The following TMCC1 variants were observed in gnomAD, a reference collection of about 807,000 sequenced individuals.
TMCC1 encodes transmembrane and coiled-coil domain family 1, also known as transmembrane and coiled-coil domains protein 1.
A neutral mutation model predicts 52.4 loss-of-function variants in TMCC1; 15 were observed. The ratio of observed to expected loss-of-function variants is 0.29; its 90% CI spans 0.19 to 0.44. TMCC1 has a LOEUF of 0.44. Ranked by LOEUF, TMCC1 falls within the 20% of genes least tolerant of loss-of-function variation. TMCC1 has a pLI of 1.00. For missense variants in TMCC1, 503 were observed against 806.0 expected (o/e 0.62, Z 4.55); for synonymous variants, 279 against 301.9 (o/e 0.92, Z 0.79).
At chr3:129,852,312 T>G (rs932960097) in intron 2 of TMCC1, among the ~76,000 whole-genome samples, 2 of 151,574 alleles carry the variant, frequency 1.3e-5, no homozygotes, top group Non-Finnish European at 2.9e-5. Flanking sequence ...CAAAAATTAG[T>G]TGGATGTGGT....
chr3:129,825,223 A>G lies in TMCC1; in HGVS notation c.576+2580T>C, dbSNP rs562189601. Among the ~76,000 whole-genome samples, 5 of 152,378 alleles carry G rather than the reference A, an allele frequency of 3.3e-5. No homozygotes were observed. In the South Asian group the frequency reaches 6.2e-4, roughly 19 times the overall value. On this transcript the variant is annotated intron_variant, in intron 4 of 6. Coordinates refer to ENST00000393238, the MANE Select transcript of TMCC1 (RefSeq NM_001017395.5). ...CACCTGCATTACTAGTTTTGCTTAC[A>G]GTTCAACTAATTCAAACTTAGAAAT...
intron 5 of TMCC1, among the ~76,000 whole-genome samples, chr3:129,669,544 C>T (rs2087749726): frequency 1.3e-5 from 2 of 152,030 alleles, no homozygotes; most frequent in South Asian, 4.1e-4. Flanking sequence ...AAGCGACTCT[C>T]CTGCCTCAGC....
intron 5 of TMCC1, among the ~76,000 whole-genome samples, chr3:129,666,247 C>A (rs572846617): frequency 3.7e-4 from 57 of 152,172 alleles, no homozygotes; most frequent in Middle Eastern, 6.8e-3. Flanking sequence ...ATAAAAAAAG[C>A]AGACAAACTG....
At chr3:129,788,580 A>T (rs1031509797) in intron 4 of TMCC1, among the ~76,000 whole-genome samples, 8 of 151,834 alleles carry the variant, frequency 5.3e-5, no homozygotes, top group African/African-American at 1.9e-4. Context: ...CTCCTGCCTC[A>T]GCCTCCCCAG....
intron 4 of TMCC1, among the ~76,000 whole-genome samples, chr3:129,811,467 CTG>C (rs376444232): frequency 1.3e-5 from 2 of 151,944 alleles, no homozygotes; most frequent in East Asian, 3.9e-4. Flanking sequence ...AGGGGTCTCA[CTG>C]TGTTGCCCAG....
intron 4 of TMCC1, among the ~76,000 whole-genome samples, chr3:129,700,234 T>C (rs1219244326): frequency 2.0e-5 from 3 of 151,358 alleles, no homozygotes; most frequent in Non-Finnish European, 4.4e-5. Context: ...AAAAAGAAAA[T>C]TAAAAAAAAA....
chr3:129,661,943 T>G lies in TMCC1; in HGVS notation c.1512-6840A>C, dbSNP rs543146512. On this transcript the variant is annotated intron_variant, in intron 5 of 6. Transcript: ENST00000393238. ...CTTCTTAGCACACTTTATTTTCTAG[T>G]GTTTACTTCCTGTCTAAATTCTAAA... Among the ~76,000 whole-genome samples the G allele has an allele frequency of 1.5e-3, 223 of 152,352 alleles. 1 individual carries two copies. Among genetic ancestry groups the G allele is most frequent in the African/African-American group, 5.2e-3 (218 of 41,578 alleles).
intron 3 of TMCC1, among the ~76,000 whole-genome samples, chr3:129,831,700 T>A (rs1306318870): frequency 1.3e-5 from 2 of 152,156 alleles, no homozygotes; most frequent in Admixed American, 6.6e-5. Context: ...GTTGCAATAA[T>A]TAACTCTATA....
chr3:129,752,256 T>A (rs1197651122), intron 4 of TMCC1, among the ~76,000 whole-genome samples: 1 of 152,196 alleles, frequency 6.6e-6, no homozygotes, highest in Non-Finnish European at 1.5e-5. Flanking sequence ...CCTTTATGGA[T>A]CTGGGTTAAA....
chr3:129,780,156 TTAC>T (rs1246222234), intron 4 of TMCC1, among the ~76,000 whole-genome samples: 4 of 152,132 alleles, frequency 2.6e-5, no homozygotes, highest in Non-Finnish European at 5.9e-5. Context: ...TTCTCAAATT[TTAC>T]TACTTTACCA....
At chr3:129,851,766 T>C (rs1414638121) in intron 2 of TMCC1, among the ~76,000 whole-genome samples, 1 of 152,146 alleles carries the variant, frequency 6.6e-6, no homozygotes, top group Non-Finnish European at 1.5e-5. Flanking sequence ...AAGCAAGGCC[T>C]CGAAGAGATA....
chr3:129,794,754 G>T (rs1436685622), intron 4 of TMCC1, among the ~76,000 whole-genome samples: 1 of 152,126 alleles, frequency 6.6e-6, no homozygotes, highest in Non-Finnish European at 1.5e-5. Context: ...TGTGGGAGGA[G>T]GAGTGGTGTG....
intron 2 of TMCC1, among the ~76,000 whole-genome samples, chr3:129,833,935 C>A: frequency 6.6e-6 from 1 of 152,140 alleles, no homozygotes; most frequent in East Asian, 1.9e-4. Context: ...GAGACATCTG[C>A]CATGTACCTA....
At chr3:129,854,784 T>C (rs1458971710) in intron 2 of TMCC1, among the ~76,000 whole-genome samples, 2 of 152,238 alleles carry the variant, frequency 1.3e-5, no homozygotes, top group Non-Finnish European at 2.9e-5. Flanking sequence ...CAAATCTCAC[T>C]AATGTAAGTG....
chr3:129,731,170 T>C (rs1035967261), intron 4 of TMCC1, among the ~76,000 whole-genome samples: 13 of 152,320 alleles, frequency 8.5e-5, no homozygotes, highest in Middle Eastern at 3.4e-3. Context: ...GCTGGTTCAA[T>C]ATTTGAAAAC....
chr3:129,892,512 A>G (rs1416697844), intron 1 of TMCC1: 1 of 152,092 alleles, frequency 6.6e-6, no homozygotes, highest in African/African-American at 2.4e-5. Flanking sequence ...CAGCTATCTG[A>G]TATTTATGCC....
intron 4 of TMCC1, among the ~76,000 whole-genome samples, chr3:129,764,733 TTGTGTG>T (rs150255907): frequency 1.7e-5 from 1 of 58,066 alleles, no homozygotes; most frequent in African/African-American, 5.1e-5. Flanking sequence ...TCCTATAATA[TTGTGTG>T]TGTGTGTGTG....
rs576950492 is a variant in TMCC1 at position 129,785,996 on chromosome 3, G to A, written c.576+41807C>T. Among the ~76,000 whole-genome samples the A allele has an allele frequency of 4.1e-5, 6 of 146,740 alleles. No homozygotes were observed. In the Middle Eastern group the frequency reaches 0.018, roughly 431 times the overall value. On this transcript the variant is annotated intron_variant, in intron 4 of 6. Transcript: ENST00000393238. ...GTCACCCAGGATGGAGTATAGTGGC[G>A]CGATGTTGGCTCACTGCAATCTTCG... is the stretch of plus-strand genomic sequence containing the variant.
At chr3:129,878,362 C>T (rs913887062) in intron 2 of TMCC1, among the ~76,000 whole-genome samples, 1 of 152,140 alleles carries the variant, frequency 6.6e-6, no homozygotes, top group Non-Finnish European at 1.5e-5. Context: ...CAGTCTTCTC[C>T]ATCTCAATAA....
Sources: allele counts gnomAD v4.1 joint callset (sites outside exome capture counted in the v4.1 genomes callset), GRCh38; gene constraint gnomAD v4.1.1; transcripts MANE v1.5; gene names NCBI Gene and HGNC (gene_info 2026-07-23, HGNC 2026-07-21).